ANXA8: variants seen among roughly 807,000 people sequenced by gnomAD.
ANXA8 encodes annexin A8.
Under a neutral mutation model 26.8 loss-of-function variants are expected in ANXA8, and 9 were observed. The observed-to-expected ratio is 0.34, with a 90% CI of 0.20 to 0.59. The LOEUF is 0.59. Among genes scored for constraint, ANXA8 ranks in the 20% least tolerant of loss-of-function variants. The probability of loss-of-function intolerance (pLI) is 0.84; values close to 1 mark genes in which losing one functional copy is unlikely to be tolerated. For synonymous variants in ANXA8, 39 were observed against 94.8 expected, an observed-to-expected ratio of 0.41 and a Z score of 3.42; for missense variants, 83 against 238.5, an observed-to-expected ratio of 0.35 and a Z score of 4.29.
At chr10:47,626,480 T>C in the ANXA8 span, among the ~76,000 whole-genome samples, 1 of 150,136 alleles carries the variant, frequency 6.7e-6, no homozygotes, top group African/African-American at 2.5e-5. Flanking sequence ...AATTATAATA[T>C]TTAATTGAAT....
the ANXA8 span, among the ~76,000 whole-genome samples, chr10:47,737,535 G>A: frequency 1.4e-4 from 22 of 151,924 alleles, no homozygotes; most frequent in Admixed American, 1.2e-3. Flanking sequence ...ATTTATTGCT[G>A]AGCCAGAACC....
At chr10:47,624,421 A>G in the ANXA8 span, among the ~76,000 whole-genome samples, 3 of 117,242 alleles carry the variant, frequency 2.6e-5, 1 homozygote. Context: ...TTCTAGAGAA[A>G]TTTTGTTATG....
chr10:47,918,383 G>GAAAGAAAGAA, the ANXA8 span, among the ~76,000 whole-genome samples: 6 of 10,484 alleles, frequency 5.7e-4, no homozygotes, highest in African/African-American at 1.7e-3. Flanking sequence ...GAGAGAGAGA[G>GAAAGAAAGAA]AGAAAGAAAG....
chr10:47,610,780 G>T, the ANXA8 span, among the ~76,000 whole-genome samples: 1 of 142,698 alleles, frequency 7.0e-6, no homozygotes, highest in South Asian at 2.3e-4. Context: ...ATTGAGATTT[G>T]CCAAGGTCCT....
chr10:47,742,955 C>G, the ANXA8 span, among the ~76,000 whole-genome samples: 2 of 136,992 alleles, frequency 1.5e-5, no homozygotes, highest in Non-Finnish European at 3.1e-5. Flanking sequence ...GAGATCGAGA[C>G]CATCCTGGTT....
At chr10:47,510,234 C>A in the ANXA8 span, 3 of 1,439,574 alleles carry the variant, frequency 2.1e-6, 1 homozygote, top group South Asian at 1.2e-5. Flanking sequence ...TATTGTCGAA[C>A]ACGAGCTGTA....
At chr10:47,504,834 G>T in the ANXA8 span, among the ~76,000 whole-genome samples, 1 of 130,758 alleles carries the variant, frequency 7.6e-6, no homozygotes, top group Admixed American at 7.9e-5. Context: ...GGCCTAAGAG[G>T]TCATAACTGT....
the ANXA8 span, among the ~76,000 whole-genome samples, chr10:47,666,105 T>C: frequency 6.7e-6 from 1 of 149,954 alleles, no homozygotes; most frequent in South Asian, 2.1e-4. Context: ...GAAATAACTT[T>C]CACTAATTCT....
chr10:47,776,164 C>A, the ANXA8 span, among the ~76,000 whole-genome samples: 3 of 151,654 alleles, frequency 2.0e-5, no homozygotes, highest in Non-Finnish European at 4.4e-5. Context: ...GAAGTTGTCT[C>A]GCCTATTCCT....
At chr10:47,562,917 C>T in the ANXA8 span, among the ~76,000 whole-genome samples, 1 of 148,636 alleles carries the variant, frequency 6.7e-6, no homozygotes, top group Non-Finnish European at 1.5e-5. Context: ...ATTCATTGCC[C>T]ATGTTTGTGA....
At chr10:47,954,454 T>C in the ANXA8 span, among the ~76,000 whole-genome samples, 1 of 150,902 alleles carries the variant, frequency 6.6e-6, no homozygotes. Flanking sequence ...AAAAGTAGAG[T>C]TAAATACAAT....
chr10:47,659,986 G>C, the ANXA8 span, among the ~76,000 whole-genome samples: 1 of 148,760 alleles, frequency 6.7e-6, no homozygotes. Flanking sequence ...CAAACTCCTG[G>C]GCTTAAGCTA....
At chr10:47,686,720 A>C in the ANXA8 span, among the ~76,000 whole-genome samples, 2 of 151,954 alleles carry the variant, frequency 1.3e-5, no homozygotes, top group African/African-American at 2.4e-5. Flanking sequence ...TCACAGAGTC[A>C]AAAAAGCGGA....
chr10:47,710,179 A>G, the ANXA8 span: 204 of 1,040,976 alleles, frequency 2.0e-4, 2 homozygotes, highest in Non-Finnish European at 2.3e-4. Context: ...GAAAAATGTA[A>G]TGTTGCCATC....
the ANXA8 span, among the ~76,000 whole-genome samples, chr10:47,736,589 G>A: frequency 6.7e-6 from 1 of 150,090 alleles, no homozygotes; most frequent in Non-Finnish European, 1.5e-5. Context: ...TGAAAGACTA[G>A]TTGTTAGGTT....
At chr10:47,497,631 ACAAC>A in the ANXA8 span, among the ~76,000 whole-genome samples, 1 of 106,098 alleles carries the variant, frequency 9.4e-6, no homozygotes, top group East Asian at 6.9e-4. Flanking sequence ...AAAAAAAAAA[ACAAC>A]AACAAAACAC....
chr10:47,962,646 TCACA>T, the ANXA8 span, among the ~76,000 whole-genome samples: 49 of 46,912 alleles, frequency 1.0e-3, no homozygotes, highest in African/African-American at 2.7e-3. Flanking sequence ...TCTCACACAC[TCACA>T]GAGACACACA....
chr10:47,689,265 C>T, the ANXA8 span, among the ~76,000 whole-genome samples: 66 of 151,596 alleles, frequency 4.4e-4, no homozygotes, highest in Non-Finnish European at 7.5e-4. Flanking sequence ...CTGCAACCTC[C>T]GCCTCCTGGG....
chr10:47,688,770 C>G, the ANXA8 span, among the ~76,000 whole-genome samples: 294 of 149,284 alleles, frequency 2.0e-3, 3 homozygotes, highest in African/African-American at 7.1e-3. Flanking sequence ...ACAAATGCCT[C>G]TTTTCCCATT....
Sources: allele counts gnomAD v4.1 joint callset (sites outside exome capture counted in the v4.1 genomes callset), GRCh38; gene constraint gnomAD v4.1.1; transcripts MANE v1.5; gene names NCBI Gene and HGNC (gene_info 2026-07-23, HGNC 2026-07-21).